Variants in MYCBP2 observed in about 807,000 individuals in gnomAD.
MYCBP2 encodes MYC binding protein 2, also known as E3 ubiquitin-protein ligase MYCBP2.
A neutral mutation model predicts 525.3 loss-of-function variants in MYCBP2; 120 were observed. The ratio of observed to expected loss-of-function variants is 0.23; its 90% CI spans 0.20 to 0.27. The LOEUF is 0.27. Among genes scored for constraint, MYCBP2 ranks in the 10% least tolerant of loss-of-function variants. The probability of loss-of-function intolerance (pLI) is 1.00; values close to 1 mark genes in which losing one functional copy is unlikely to be tolerated. For synonymous variants in MYCBP2, 1,894 were observed against 1,955.8 expected (o/e 0.97, Z 0.83); for missense variants, 4,149 against 5,657.1 (o/e 0.73, Z 8.55).
At position 77,094,366 on chromosome 13, in the gene MYCBP2, T is replaced by G. The variant is rs561965618; in HGVS notation, c.10199+992A>C. 1.2e-4 allele frequency among the ~76,000 whole-genome samples: 19 copies of G among 152,298 alleles called. No individual in the cohort carries two copies. In the East Asian group the frequency reaches 3.3e-3, roughly 26 times the overall value. ...TATATGAAAACAGAATACTAACAGG[T>G]TTCTATCTCCAGTAATGCACTTTTA... On this transcript the variant is annotated intron_variant, in intron 58 of 82. Coordinates refer to ENST00000544440, the MANE Select transcript of MYCBP2 (RefSeq NM_015057.5).
At chr13:77,268,507 C>T (rs961820491) in intron 7 of MYCBP2, among the ~76,000 whole-genome samples, 10 of 152,126 alleles carry the variant, frequency 6.6e-5, no homozygotes, top group African/African-American at 1.4e-4. Flanking sequence ...AGGCTGGGGG[C>T]GGTGGCTCAC....
chr13:77,227,342 C>CT (rs1178829006), intron 18 of MYCBP2, among the ~76,000 whole-genome samples: 1 of 121,812 alleles, frequency 8.2e-6, no homozygotes, highest in Non-Finnish European at 1.7e-5. Flanking sequence ...AATGGATGGA[C>CT]TAAAAAAAAA....
chr13:77,153,722 T>G (rs979128892), intron 46 of MYCBP2, among the ~76,000 whole-genome samples: 1 of 149,066 alleles, frequency 6.7e-6, no homozygotes, highest in Non-Finnish European at 1.5e-5. Flanking sequence ...GACTTTCTCT[T>G]GTCAATAAAT....
intron 68 of MYCBP2, among the ~76,000 whole-genome samples, chr13:77,074,144 G>T (rs2041894519): frequency 6.6e-6 from 1 of 151,786 alleles, no homozygotes; most frequent in East Asian, 1.9e-4. Flanking sequence ...TAAAGCTACA[G>T]TAAGTAAGAC....
rs540268743 is a variant in MYCBP2 at position 77,099,226 on chromosome 13, T to C, written c.8141-213A>G. On this transcript the variant is annotated intron_variant, in intron 55 of 82. Transcript: ENST00000544440. ...ACAACATTACCACCAAAAACTATTT[T>C]CATGGACGCAAAACAACAGGTTGAA... The C allele has an allele frequency of 4.8e-5, 31 of 639,412 alleles. No individual in the cohort carries two copies. The African/African-American group carries it at 5.1e-4, about 11-fold the overall frequency. The allele number at this position is 639,412 out of a possible 1,614,324, so 39.6% of individuals were successfully genotyped here.
intron 55 of MYCBP2, among the ~76,000 whole-genome samples, chr13:77,100,642 G>A (rs1473162457): frequency 1.3e-5 from 2 of 151,984 alleles, no homozygotes; most frequent in East Asian, 3.9e-4. Context: ...GCACACTGAT[G>A]AACTAAATGT....
chr13:77,273,417 C>T (rs558422612), intron 5 of MYCBP2, 55 bp downstream of exon 5: 56 of 1,461,340 alleles, frequency 3.8e-5, no homozygotes, highest in Non-Finnish European at 4.4e-5. Flanking sequence ...GAAATTGAGA[C>T]GAAACTGTAA....
intron 17 of MYCBP2, among the ~76,000 whole-genome samples, chr13:77,242,249 G>A (rs1425791016): frequency 1.3e-5 from 2 of 152,112 alleles, no homozygotes; most frequent in East Asian, 3.9e-4. Flanking sequence ...GAGTAGCTGG[G>A]ACTACAGGCG....
intron 63 of MYCBP2, 172 bp downstream of exon 63, chr13:77,082,860 T>C (rs2043540110): frequency 1.9e-6 from 1 of 517,634 alleles, no homozygotes; most frequent in Non-Finnish European, 3.2e-6. Flanking sequence ...AAATGTTAAC[T>C]AAGAGGAAGG....
intron 45 of MYCBP2, among the ~76,000 whole-genome samples, chr13:77,156,725 C>G (rs1201230039): frequency 6.6e-6 from 1 of 152,162 alleles, no homozygotes; most frequent in African/African-American, 2.4e-5. Flanking sequence ...TGCTTTCCAC[C>G]TAAAATGCAT....
chr13:77,247,152 AG>A (rs1314695397), intron 15 of MYCBP2, among the ~76,000 whole-genome samples: 1 of 152,242 alleles, frequency 6.6e-6, no homozygotes, highest in Non-Finnish European at 1.5e-5. Context: ...CAAAGCAGAA[AG>A]GAAGAAGTAA....
intron 1 of MYCBP2, among the ~76,000 whole-genome samples, chr13:77,320,200 T>C (rs1386013508): frequency 2.0e-5 from 3 of 152,200 alleles, no homozygotes; most frequent in African/African-American, 7.2e-5. Context: ...GGGAGGCAAC[T>C]CTTGGCTCAG....
At chr13:77,088,457 G>C (rs979087665) in intron 61 of MYCBP2, among the ~76,000 whole-genome samples, 10 of 152,048 alleles carry the variant, frequency 6.6e-5, no homozygotes, top group Non-Finnish European at 1.5e-5. Context: ...CAAAGGCCCA[G>C]AGAAGTTATT....
At chr13:77,062,745 T>TA in intron 73 of MYCBP2, 48 bp from the exon 74 acceptor site, 1 of 1,437,520 alleles carries the variant, frequency 7.0e-7, no homozygotes, top group Non-Finnish European at 9.8e-7. Context: ...AGGAAAGACT[T>TA]ATGAAATGCT....
chr13:77,065,345 C>T (rs967935884), intron 72 of MYCBP2, among the ~76,000 whole-genome samples: 137 of 152,282 alleles, frequency 9.0e-4, no homozygotes, highest in African/African-American at 3.1e-3. Context: ...GAAAATCCTC[C>T]CACTTCTCAT....
chr13:77,212,649 T>C (rs892439955), intron 21 of MYCBP2, among the ~76,000 whole-genome samples: 18 of 152,154 alleles, frequency 1.2e-4, no homozygotes, highest in Admixed American at 2.0e-4. Context: ...TAGAAAAATA[T>C]GTAATGTTGT....
chr13:77,078,358 A>G (rs2042689384), intron 66 of MYCBP2, among the ~76,000 whole-genome samples: 1 of 152,224 alleles, frequency 6.6e-6, no homozygotes, highest in Non-Finnish European at 1.5e-5. Context: ...TCTCAGACAC[A>G]TGCCTAGATA....
chr13:77,118,377 G>A (rs534300590), intron 55 of MYCBP2: 224 of 763,200 alleles, frequency 2.9e-4, no homozygotes, highest in Non-Finnish European at 4.3e-4. Flanking sequence ...GGGGCTGTCC[G>A]AACACAAATG....
intron 55 of MYCBP2, among the ~76,000 whole-genome samples, chr13:77,105,579 G>T (rs1324231877): frequency 6.6e-6 from 1 of 151,782 alleles, no homozygotes; most frequent in East Asian, 1.9e-4. Context: ...TTAAAAAAGG[G>T]AAGCAATCTA....
Sources: gnomAD v4.1 joint callset for allele counts (sites outside exome capture counted in the v4.1 genomes callset) on GRCh38, gnomAD v4.1.1 for gene constraint, MANE v1.5 for transcripts, NCBI Gene and HGNC (gene_info 2026-07-23, HGNC 2026-07-21) for gene names.